The following MME variants were observed in gnomAD, a reference collection of about 807,000 sequenced individuals.
MME encodes membrane metalloendopeptidase.
A neutral mutation model predicts 113.2 loss-of-function variants in MME; 98 were observed. The ratio of observed to expected loss-of-function variants is 0.87; its 90% CI spans 0.74 to 1.02. The LOEUF (loss-of-function observed/expected upper bound fraction) is 1.02. Among genes scored for constraint, MME ranks in the 50% least tolerant of loss-of-function variants. The pLI is 0.00. For missense variants in MME, 836 were observed against 896.0 expected, an observed-to-expected ratio of 0.93 and a Z score of 0.86; for synonymous variants, 292 against 300.6, an observed-to-expected ratio of 0.97 and a Z score of 0.30.
At chr3:155,143,335 TGATGAATATTTC>T in intron 12 of MME, 96 bp from the exon 13 acceptor site, 1 of 1,258,280 alleles carries the variant, frequency 7.9e-7, no homozygotes, top group South Asian at 1.2e-5. Context: ...TGAGGAGAAG[TGATGAATATTTC>T]AAGAACTTAG....
chr3:155,169,464 A>G (rs1711669484), intron 20 of MME, among the ~76,000 whole-genome samples: 1 of 152,182 alleles, frequency 6.6e-6, no homozygotes, highest in African/African-American at 2.4e-5. Context: ...TAAAGCAATG[A>G]ATGCTTTATG....
rs1480467783 is a variant in MME at position 155,097,845 on chromosome 3, G to A, written c.196+12751G>A. On this transcript the variant is annotated intron_variant, in intron 3 of 22. Transcript: ENST00000360490. ...TGGAAAGTGTCCATGTGAGGAGTGG[G>A]CCATGCACACAGAACTGATGGCTCT... Among the ~76,000 whole-genome samples the A allele has an allele frequency of 2.0e-5, 3 of 152,186 alleles. No homozygotes were observed. The East Asian group carries it at 5.8e-4, about 29-fold the overall frequency.
intron 1 of MME, among the ~76,000 whole-genome samples, chr3:155,065,957 C>T (rs887751257): frequency 6.6e-6 from 1 of 152,172 alleles, no homozygotes; most frequent in African/African-American, 2.4e-5. Flanking sequence ...CATGAACTGC[C>T]TTTCAGGGTG....
rs1363543782 is a variant in MME at position 155,055,161 on chromosome 3, A to C, written c.-10-28997A>C. On this transcript the variant is annotated intron_variant, in intron 1 of 22. Coordinates refer to the MME transcript ENST00000492661. ...TTCCAAACTGAAAGCTGATCAAAGA[A>C]CTCAACTGTAAAATGGAAAAAAAAC... 2.0e-5 allele frequency among the ~76,000 whole-genome samples: 3 copies of C among 152,224 alleles called. 1 individual carries two copies. In the Middle Eastern group the frequency reaches 9.5e-3, roughly 482 times the overall value.
At chr3:155,052,039 T>G (rs936964305) in intron 1 of MME, among the ~76,000 whole-genome samples, 1 of 152,098 alleles carries the variant, frequency 6.6e-6, no homozygotes, top group Non-Finnish European at 1.5e-5. Context: ...CTGAAATCAA[T>G]AGGGCCGTTA....
chr3:155,087,991 G>GA (rs1715912365), intron 3 of MME, among the ~76,000 whole-genome samples: 1 of 152,158 alleles, frequency 6.6e-6, no homozygotes, highest in South Asian at 2.1e-4. Context: ...CACCTTGCAG[G>GA]ATGTATCTTG....
chr3:155,108,019 A>G (rs1717838196), intron 3 of MME, among the ~76,000 whole-genome samples: 1 of 152,198 alleles, frequency 6.6e-6, no homozygotes, highest in Admixed American at 6.5e-5. Context: ...GTTAAATGTT[A>G]GTGCATCAAC....
intron 1 of MME, among the ~76,000 whole-genome samples, chr3:155,065,453 T>C (rs1003601657): frequency 8.5e-5 from 13 of 152,112 alleles, no homozygotes; most frequent in African/African-American, 1.9e-4. Flanking sequence ...ACTACAGATA[T>C]AAAGACAAAT....
intron 8 of MME, among the ~76,000 whole-genome samples, chr3:155,132,697 C>T (rs1004399288): frequency 7.9e-5 from 12 of 152,024 alleles, no homozygotes; most frequent in Non-Finnish European, 1.5e-4. Flanking sequence ...CTCAGTCACA[C>T]ACACACAAAA....
intron 7 of MME, among the ~76,000 whole-genome samples, chr3:155,118,032 A>G (rs1002433449): frequency 2.0e-5 from 3 of 152,172 alleles, no homozygotes; most frequent in African/African-American, 7.2e-5. Flanking sequence ...CCACTTGGGT[A>G]TTAAACATGG....
At chr3:155,024,896 T>C (rs1712725621) in intron 1 of MME, among the ~76,000 whole-genome samples, 1 of 152,096 alleles carries the variant, frequency 6.6e-6, no homozygotes, top group Admixed American at 6.5e-5. Context: ...AGAGGGGAAT[T>C]GGGGTGATAT....
chr3:155,146,492 C>G (rs1721528804), intron 14 of MME, among the ~76,000 whole-genome samples: 1 of 151,406 alleles, frequency 6.6e-6, no homozygotes, highest in South Asian at 2.1e-4. Flanking sequence ...TGCCACTGCA[C>G]TTCAGCCTGG....
Position 155,176,513 on chromosome 3 carries a change from A to T in MME, c.2154-3847A>T, listed in dbSNP as rs541745913. 1.4e-4 allele frequency among the ~76,000 whole-genome samples: 22 copies of T among 152,312 alleles called. No homozygotes were observed. In the South Asian group the frequency reaches 4.3e-3, roughly 30 times the overall value. ...TTAGAAAAAAAGTGTTTTATTAATA[A>T]TGGATTCACTTTTCAAAATAGATTA... is the stretch of plus-strand genomic sequence containing the variant. On this transcript the variant is annotated intron_variant, in intron 22 of 22. Transcript: ENST00000360490.
chr3:155,137,786 G>A (rs1173499063), intron 8 of MME, among the ~76,000 whole-genome samples: 1 of 152,124 alleles, frequency 6.6e-6, no homozygotes, highest in Non-Finnish European at 1.5e-5. Context: ...CTTATCAAGT[G>A]TTTTGCAACT....
intron 20 of MME, among the ~76,000 whole-genome samples, chr3:155,170,187 G>A (rs1711762510): frequency 2.0e-5 from 3 of 152,070 alleles, no homozygotes; most frequent in Admixed American, 6.6e-5. Flanking sequence ...TGGGATTACA[G>A]GCATGTGCCA....
intron 1 of MME, among the ~76,000 whole-genome samples, chr3:155,038,692 C>G (rs1713208921): frequency 6.6e-6 from 1 of 152,172 alleles, no homozygotes; most frequent in Admixed American, 6.5e-5. Context: ...ACACTATGCA[C>G]AAACTTCTTT....
At chr3:155,090,496 G>A (rs976987782) in intron 3 of MME, 9 of 152,008 alleles carry the variant, frequency 5.9e-5, no homozygotes, top group African/African-American at 1.9e-4. Flanking sequence ...AAAATAAAAC[G>A]ATTATAATAT....
intron 1 of MME, among the ~76,000 whole-genome samples, chr3:155,064,955 G>A (rs572972564): frequency 1.3e-5 from 2 of 152,062 alleles, no homozygotes; most frequent in African/African-American, 4.8e-5. Flanking sequence ...TATTATCCCC[G>A]ACTAAATTAG....
chr3:155,156,415 C>T (rs771235798), intron 16 of MME, among the ~76,000 whole-genome samples: 1 of 152,070 alleles, frequency 6.6e-6, no homozygotes, highest in Non-Finnish European at 1.5e-5. Context: ...TGGCATTAAT[C>T]CCTGTAATGA....
Sources: allele counts gnomAD v4.1 joint callset (sites outside exome capture counted in the v4.1 genomes callset), GRCh38; gene constraint gnomAD v4.1.1; transcripts MANE v1.5; gene names NCBI Gene and HGNC (gene_info 2026-07-23, HGNC 2026-07-21).